Variants in RALGPS2 observed in about 807,000 individuals in gnomAD.
RALGPS2 encodes ras-specific guanine nucleotide-releasing factor RalGPS2.
RALGPS2 carries 43 observed loss-of-function variants against 86.8 expected under a neutral mutation model. That is an observed-to-expected ratio of 0.50 (90% CI 0.39 to 0.64). RALGPS2 has a LOEUF of 0.64. RALGPS2 is among the 30% of genes least tolerant of loss of function. The pLI is 0.00. For missense variants in RALGPS2, 536 were observed against 694.6 expected (o/e 0.77, Z 2.57); for synonymous variants, 243 against 231.3 (o/e 1.05, Z -0.46).
At chr1:178,747,587 T>G in intron 1 of RALGPS2, 1 of 1,605,650 alleles carries the variant, frequency 6.2e-7, no homozygotes, top group Non-Finnish European at 8.5e-7. Context: ...AAGTGGACCC[T>G]GTGTTAAGAT....
chr1:178,869,551 C>T (rs1224796412), intron 8 of RALGPS2, among the ~76,000 whole-genome samples: 1 of 151,878 alleles, frequency 6.6e-6, no homozygotes, highest in Non-Finnish European at 1.5e-5. Context: ...CCATAGCATG[C>T]AACAACAAAA....
chr1:178,732,622 A>G (rs1650465215), intron 1 of RALGPS2, among the ~76,000 whole-genome samples: 3 of 152,136 alleles, frequency 2.0e-5, no homozygotes, highest in Admixed American at 6.5e-5. Flanking sequence ...TAATAGGAGT[A>G]CCTTTAATAT....
At chr1:178,747,668 T>C in intron 1 of RALGPS2, 1 of 1,520,440 alleles carries the variant, frequency 6.6e-7, no homozygotes, top group Admixed American at 1.7e-5. Flanking sequence ...TTTTGCAGTT[T>C]AACACAACTG....
At chr1:178,750,207 G>A (rs1372464751) in intron 1 of RALGPS2, among the ~76,000 whole-genome samples, 2 of 152,140 alleles carry the variant, frequency 1.3e-5, no homozygotes, top group Non-Finnish European at 2.9e-5. Context: ...GGCCCAAAAA[G>A]TAAATTAAAA....
At chr1:178,912,624 A>G (rs1660669375) in intron 19 of RALGPS2, among the ~76,000 whole-genome samples, 1 of 151,832 alleles carries the variant, frequency 6.6e-6, no homozygotes, top group African/African-American at 2.4e-5. Context: ...TTTCTTTTGC[A>G]TTGACCTTGG....
chr1:178,915,906 T>C (rs1660793214), intron 19 of RALGPS2, among the ~76,000 whole-genome samples: 1 of 152,212 alleles, frequency 6.6e-6, no homozygotes, highest in Non-Finnish European at 1.5e-5. Flanking sequence ...ATAAAATTAT[T>C]TTTGCTGATT....
chr1:178,804,286 T>C (rs1275725089), intron 4 of RALGPS2, among the ~76,000 whole-genome samples: 1 of 150,700 alleles, frequency 6.6e-6, no homozygotes, highest in Non-Finnish European at 1.5e-5. Flanking sequence ...TTGATTTATT[T>C]ATTATTATAC....
At chr1:178,870,525 A>G (rs1480899073) in intron 8 of RALGPS2, among the ~76,000 whole-genome samples, 2 of 152,210 alleles carry the variant, frequency 1.3e-5, no homozygotes, top group Admixed American at 6.5e-5. Flanking sequence ...TACACTAAAC[A>G]TCATTAAATT....
At chr1:178,800,750 C>T (rs1211696139) in intron 4 of RALGPS2, among the ~76,000 whole-genome samples, 1 of 152,020 alleles carries the variant, frequency 6.6e-6, no homozygotes, top group Non-Finnish European at 1.5e-5. Context: ...GTGCCCCTAA[C>T]CCCTGAGTTG....
chr1:178,881,681 C>A (rs1156794253), intron 10 of RALGPS2, among the ~76,000 whole-genome samples: 1 of 152,084 alleles, frequency 6.6e-6, no homozygotes, highest in African/African-American at 2.4e-5. Flanking sequence ...GAACTCCTGA[C>A]CTCAGATGAT....
intron 8 of RALGPS2, chr1:178,853,467 A>G (rs1657316214): frequency 2.3e-6 from 2 of 857,606 alleles, no homozygotes; most frequent in South Asian, 5.4e-5. Flanking sequence ...ACAGATGTAG[A>G]TAATGAAAAA....
chr1:178,755,383 T>G (rs1039282585), intron 1 of RALGPS2, among the ~76,000 whole-genome samples: 1 of 152,150 alleles, frequency 6.6e-6, no homozygotes, highest in Non-Finnish European at 1.5e-5. Flanking sequence ...TTGCCATCTT[T>G]GTGTCCACAA....
chr1:178,856,909 G>A (rs1657623602), intron 8 of RALGPS2, among the ~76,000 whole-genome samples: 2 of 152,122 alleles, frequency 1.3e-5, no homozygotes, highest in Non-Finnish European at 1.5e-5. Flanking sequence ...GTATTCAGCT[G>A]CAGTTACCTG....
At chr1:178,869,102 T>C (rs956167890) in intron 8 of RALGPS2, 1 of 152,084 alleles carries the variant, frequency 6.6e-6, no homozygotes, top group Non-Finnish European at 1.5e-5. Context: ...AAATTAGTTA[T>C]AGAATACTTA....
intron 8 of RALGPS2, among the ~76,000 whole-genome samples, chr1:178,861,018 A>G (rs1235234164): frequency 6.6e-6 from 1 of 152,214 alleles, no homozygotes; most frequent in Non-Finnish European, 1.5e-5. Flanking sequence ...ATCACAGAAT[A>G]TTAGAATTTG....
intron 17 of RALGPS2, among the ~76,000 whole-genome samples, chr1:178,899,653 G>GTTTTTT (rs57623890): frequency 0.037 from 5,179 of 140,526 alleles, 137 homozygotes; most frequent in Non-Finnish European, 0.054. Context: ...TTTGGTTTTG[G>GTTTTTT]TTTTTTTTTT....
At chr1:178,787,731 A>AT (rs1056980295) in intron 4 of RALGPS2, among the ~76,000 whole-genome samples, 6 of 152,054 alleles carry the variant, frequency 3.9e-5, no homozygotes, top group Admixed American at 3.3e-4. Flanking sequence ...AATCCCTTTG[A>AT]TTTTTTTAAC....
intron 4 of RALGPS2, among the ~76,000 whole-genome samples, chr1:178,792,513 G>A (rs1046152421): frequency 2.0e-5 from 3 of 152,156 alleles, no homozygotes; most frequent in Non-Finnish European, 4.4e-5. Context: ...TCTAGAAATA[G>A]GAGTATTCTT....
intron 19 of RALGPS2, among the ~76,000 whole-genome samples, chr1:178,910,937 G>A (rs1372012257): frequency 6.6e-6 from 1 of 152,012 alleles, no homozygotes; most frequent in African/African-American, 2.4e-5. Context: ...ATTCAGTTTT[G>A]GAACTCATTA....
Sources: allele counts gnomAD v4.1 joint callset (sites outside exome capture counted in the v4.1 genomes callset), GRCh38; gene constraint gnomAD v4.1.1; transcripts MANE v1.5; gene names NCBI Gene and HGNC (gene_info 2026-07-23, HGNC 2026-07-21).